Variants in KIF26B observed in about 807,000 individuals in gnomAD.
KIF26B encodes kinesin-like protein KIF26B.
KIF26B carries 63 observed loss-of-function variants against 151.2 expected under a neutral mutation model. The observed-to-expected ratio is 0.42, with a 90% CI of 0.34 to 0.51. KIF26B has a LOEUF of 0.51. KIF26B is among the 20% of genes least tolerant of loss of function. The pLI is 0.07. For missense variants in KIF26B, 2,813 were observed against 2,913.6 expected, an observed-to-expected ratio of 0.97 and a Z score of 0.79; for synonymous variants, 1,357 against 1,262.1, an observed-to-expected ratio of 1.08 and a Z score of -1.59.
chr1:245,552,532 G>A (rs2103110366), intron 5 of KIF26B, among the ~76,000 whole-genome samples: 1 of 152,114 alleles, frequency 6.6e-6, no homozygotes, highest in East Asian at 1.9e-4. Flanking sequence ...TGATGACACT[G>A]GTTTCCATTC....
At chr1:245,629,075 C>A (rs2043753336) in intron 9 of KIF26B, among the ~76,000 whole-genome samples, 1 of 152,082 alleles carries the variant, frequency 6.6e-6, no homozygotes, top group Non-Finnish European at 1.5e-5. Context: ...GAACTACAAA[C>A]AACTGCTCAA....
chr1:245,462,171 G>T (rs1471335431), intron 4 of KIF26B, among the ~76,000 whole-genome samples: 1 of 152,106 alleles, frequency 6.6e-6, no homozygotes, highest in Non-Finnish European at 1.5e-5. Context: ...AGAAATGTAA[G>T]TTTAGGCATC....
intron 5 of KIF26B, among the ~76,000 whole-genome samples, chr1:245,556,118 A>G (rs1268735544): frequency 6.6e-6 from 1 of 152,152 alleles, no homozygotes; most frequent in East Asian, 1.9e-4. Context: ...CTGCCTGGCA[A>G]TGCTGGCTAT....
intron 9 of KIF26B, among the ~76,000 whole-genome samples, chr1:245,635,740 G>A (rs1429070150): frequency 6.6e-6 from 1 of 151,696 alleles, no homozygotes; most frequent in Non-Finnish European, 1.5e-5. Context: ...TGAAGCCATG[G>A]TTGCTTTCTG....
chr1:245,337,725 GAGTA>G (rs1672264776), intron 2 of KIF26B, among the ~76,000 whole-genome samples: 1 of 152,100 alleles, frequency 6.6e-6, no homozygotes, highest in Admixed American at 6.5e-5. Flanking sequence ...CACACACACA[GAGTA>G]ACATCTCACC....
At chr1:245,520,263 C>T (rs1661061842) in intron 4 of KIF26B, among the ~76,000 whole-genome samples, 1 of 152,042 alleles carries the variant, frequency 6.6e-6, no homozygotes, top group Admixed American at 6.6e-5. Context: ...AGTCTACAAC[C>T]TTTAACTCAT....
At chr1:245,401,132 G>A (rs750984707) in intron 3 of KIF26B, among the ~76,000 whole-genome samples, 9 of 152,136 alleles carry the variant, frequency 5.9e-5, no homozygotes, top group Non-Finnish European at 1.3e-4. Context: ...CACTTCAAAA[G>A]CGACTTGTTT....
intron 4 of KIF26B, among the ~76,000 whole-genome samples, chr1:245,518,397 A>G (rs1221042793): frequency 6.6e-6 from 1 of 152,162 alleles, no homozygotes; most frequent in Non-Finnish European, 1.5e-5. Flanking sequence ...GTACCTATTT[A>G]TCTTGAGCTG....
intron 4 of KIF26B, among the ~76,000 whole-genome samples, chr1:245,484,214 G>C (rs1008558771): frequency 6.6e-6 from 1 of 151,714 alleles, no homozygotes; most frequent in African/African-American, 2.4e-5. Flanking sequence ...ATAATGCTGG[G>C]TTACACTTTA....
chr1:245,694,095 C>T (rs923770835), intron 12 of KIF26B, among the ~76,000 whole-genome samples: 6 of 152,182 alleles, frequency 3.9e-5, no homozygotes, highest in Non-Finnish European at 5.9e-5. Context: ...GCAGAGAACA[C>T]GGGAGGAAGC....
chr1:245,676,868 C>T (rs1005516406), intron 10 of KIF26B, among the ~76,000 whole-genome samples: 13 of 152,286 alleles, frequency 8.5e-5, no homozygotes, highest in African/African-American at 2.4e-4. Context: ...GCAGGCCCCA[C>T]GGGGAACCAT....
chr1:245,359,343 G>A (rs1672766513), intron 2 of KIF26B, among the ~76,000 whole-genome samples: 2 of 152,084 alleles, frequency 1.3e-5, no homozygotes, highest in South Asian at 4.1e-4. Flanking sequence ...TACATCTTCT[G>A]GGAAAAGGTT....
intron 4 of KIF26B, among the ~76,000 whole-genome samples, chr1:245,518,322 TG>T (rs2103088239): frequency 1.3e-5 from 2 of 152,306 alleles, no homozygotes; most frequent in South Asian, 4.1e-4. Context: ...CAGTAGATCA[TG>T]GGTCAATAAT....
At chr1:245,377,195 G>A (rs1048078660) in intron 3 of KIF26B, among the ~76,000 whole-genome samples, 3 of 152,242 alleles carry the variant, frequency 2.0e-5, no homozygotes, top group East Asian at 3.8e-4. Context: ...AATTACAGGC[G>A]TGAGCCACCG....
Position 245,244,818 on chromosome 1 carries a change from C to G in KIF26B, c.465+88135C>G, listed in dbSNP as rs3008475. Among the ~76,000 whole-genome samples, 1 of 151,648 alleles carries G rather than the reference C, an allele frequency of 6.6e-6. No individual in the cohort carries two copies. The highest frequency in any genetic ancestry group is 2.1e-4 in the South Asian group (1 of 4,792). Reference sequence around the variant, plus strand: ...GAACTGCTTTGGACTTGGATACTTCCTAGTCCTCCTGTTATTCCTATGAAC... The same window carrying G: ...GAACTGCTTTGGACTTGGATACTTCGTAGTCCTCCTGTTATTCCTATGAAC... On this transcript the variant is annotated intron_variant, in intron 2 of 14. Transcript: ENST00000407071. This position sits in a 1 kb window ranked among gnomAD's most constrained non-coding sequence, Gnocchi z 4.2.
At chr1:245,186,031 C>A (rs1319110476) in intron 2 of KIF26B, among the ~76,000 whole-genome samples, 1 of 151,886 alleles carries the variant, frequency 6.6e-6, no homozygotes, top group Non-Finnish European at 1.5e-5. Flanking sequence ...CCCGCCACCA[C>A]GTCCAGCTAA....
At chr1:245,297,732 T>C (rs1178605610) in intron 2 of KIF26B, among the ~76,000 whole-genome samples, 2 of 152,194 alleles carry the variant, frequency 1.3e-5, no homozygotes, top group African/African-American at 4.8e-5. Flanking sequence ...TGCTAGTTGA[T>C]GGGAGTGGGA....
chr1:245,621,440 A>C lies in KIF26B; in HGVS notation c.2098+9464A>C, dbSNP rs920705090. ...CCTGCTACCTTCCAGGTGCTTAATAAAGTGTGGCTCAGGCGTAGGAGACGT... is the reference window on the plus strand; with the variant it reads ...CCTGCTACCTTCCAGGTGCTTAATACAGTGTGGCTCAGGCGTAGGAGACGT... On this transcript the variant is annotated intron_variant, in intron 9 of 14. Coordinates refer to ENST00000407071, the MANE Select transcript of KIF26B (RefSeq NM_018012.4). Among the ~76,000 whole-genome samples, 5 of 152,204 alleles carry C rather than the reference A, an allele frequency of 3.3e-5. No individual in the cohort carries two copies. In the South Asian group the frequency reaches 1.0e-3, roughly 32 times the overall value.
intron 4 of KIF26B, among the ~76,000 whole-genome samples, chr1:245,475,800 G>A (rs998164651): frequency 3.3e-5 from 5 of 151,830 alleles, no homozygotes; most frequent in African/African-American, 4.8e-5. Flanking sequence ...CAGTCTATAC[G>A]TTGTTTGTGG....
Sources: allele counts gnomAD v4.1 joint callset (sites outside exome capture counted in the v4.1 genomes callset), GRCh38; gene constraint gnomAD v4.1.1; non-coding constraint Gnocchi (gnomAD v3.1); transcripts MANE v1.5; gene names NCBI Gene and HGNC (gene_info 2026-07-23, HGNC 2026-07-21).